ATP9B: variants seen among roughly 807,000 people sequenced by gnomAD.
The protein encoded by ATP9B is ATPase phospholipid transporting 9B.
ATP9B carries 110 observed loss-of-function variants against 146.1 expected under a neutral mutation model. The ratio of observed to expected loss-of-function variants is 0.75; its 90% CI spans 0.65 to 0.88. ATP9B has a LOEUF of 0.88. ATP9B is among the 40% of genes least tolerant of loss of function. ATP9B has a pLI of 0.00. For missense variants in ATP9B, 1,499 were observed against 1,496.4 expected (o/e 1.00, Z -0.03); for synonymous variants, 604 against 569.7 (o/e 1.06, Z -0.86).
At chr18:79,116,835 G>A (rs1486341245) in intron 4 of ATP9B, among the ~76,000 whole-genome samples, 546 of 105,722 alleles carry the variant, frequency 5.2e-3, no homozygotes, top group African/African-American at 0.02. Context: ...TGACACGTTA[G>A]TGGGTGCAGC....
At chr18:79,122,048 A>G (rs1262616041) in intron 4 of ATP9B, among the ~76,000 whole-genome samples, 3 of 152,248 alleles carry the variant, frequency 2.0e-5, no homozygotes, top group Non-Finnish European at 4.4e-5. Flanking sequence ...AGTTTAACAT[A>G]TGTGTCTGAG....
intron 11 of ATP9B, among the ~76,000 whole-genome samples, chr18:79,231,803 T>TACATACATACACACAC (rs1555777828): frequency 8.7e-6 from 1 of 114,760 alleles, no homozygotes; most frequent in African/African-American, 3.4e-5. Context: ...TATATATATA[T>TACATACATACACACAC]ACACACACAC....
At chr18:79,234,127 T>C (rs1251961858) in intron 11 of ATP9B, among the ~76,000 whole-genome samples, 1 of 152,020 alleles carries the variant, frequency 6.6e-6, no homozygotes, top group Non-Finnish European at 1.5e-5. Flanking sequence ...TGGAACAGGG[T>C]TACAGGAAGA....
chr18:79,203,162 G>A (rs1416994764), intron 9 of ATP9B, among the ~76,000 whole-genome samples: 1 of 152,056 alleles, frequency 6.6e-6, no homozygotes, highest in East Asian at 1.9e-4. Flanking sequence ...AAGGCTTAGA[G>A]TAACAGCAGG....
chr18:79,183,541 A>T (rs1335729210), intron 8 of ATP9B, among the ~76,000 whole-genome samples: 1 of 152,100 alleles, frequency 6.6e-6, no homozygotes, highest in African/African-American at 2.4e-5. Flanking sequence ...GTTTGTTAAT[A>T]ATTTTTTATT....
chr18:79,201,166 A>G (rs953252193), intron 9 of ATP9B, among the ~76,000 whole-genome samples: 2 of 152,228 alleles, frequency 1.3e-5, no homozygotes, highest in Admixed American at 6.5e-5. Flanking sequence ...ATAGCCTTTC[A>G]TTGCCTTTGA....
intron 4 of ATP9B, among the ~76,000 whole-genome samples, chr18:79,114,241 T>G (rs1184707563): frequency 6.6e-6 from 1 of 152,234 alleles, no homozygotes; most frequent in Non-Finnish European, 1.5e-5. Context: ...ATTACAGGCG[T>G]GAGCCACTGC....
chr18:79,298,184 C>T (rs1253890199), intron 13 of ATP9B, among the ~76,000 whole-genome samples: 2 of 146,546 alleles, frequency 1.4e-5, no homozygotes, highest in African/African-American at 2.5e-5. Flanking sequence ...AAAATTGTCC[C>T]TGTCTGCAGA....
At chr18:79,087,142 G>T (rs1568388483) in intron 1 of ATP9B, among the ~76,000 whole-genome samples, 1 of 152,228 alleles carries the variant, frequency 6.6e-6, no homozygotes, top group South Asian at 2.1e-4. Flanking sequence ...AAGAGAGGAT[G>T]AATGTGGTTT....
intron 26 of ATP9B, chr18:79,361,827 C>A: frequency 1.0e-6 from 1 of 985,220 alleles, no homozygotes; most frequent in South Asian, 4.7e-5. Flanking sequence ...GCAGTTTATC[C>A]ACACCGGTCA....
chr18:79,320,833 A>G (rs1301837789), intron 15 of ATP9B, among the ~76,000 whole-genome samples: 1 of 151,110 alleles, frequency 6.6e-6, no homozygotes, highest in African/African-American at 2.4e-5. Flanking sequence ...GGGAGCTTAC[A>G]TACTAGGAAA....
intron 16 of ATP9B, 92 bp from the exon 17 acceptor site, chr18:79,329,920 C>T (rs768427471): frequency 6.0e-5 from 71 of 1,187,652 alleles, no homozygotes; most frequent in Non-Finnish European, 8.5e-5. Flanking sequence ...ATAGGAATTG[C>T]TTTTTCCATT....
chr18:79,194,849 T>C (rs1169799375), intron 9 of ATP9B, among the ~76,000 whole-genome samples: 1 of 152,184 alleles, frequency 6.6e-6, no homozygotes. Flanking sequence ...AAGGAGATTG[T>C]CTTGGGATGC....
intron 7 of ATP9B, among the ~76,000 whole-genome samples, chr18:79,159,613 T>G (rs1463921182): frequency 1.3e-5 from 2 of 152,156 alleles, no homozygotes; most frequent in African/African-American, 2.4e-5. Flanking sequence ...CCCGCCACTT[T>G]CAGCTACAGC....
intron 11 of ATP9B, among the ~76,000 whole-genome samples, chr18:79,244,931 T>C (rs2095928496): frequency 6.6e-6 from 1 of 152,246 alleles, no homozygotes; most frequent in Non-Finnish European, 1.5e-5. Context: ...ACAATATCAG[T>C]ACCACTTAGA....
chr18:79,094,616 C>A (rs952870731), intron 1 of ATP9B, among the ~76,000 whole-genome samples: 1 of 152,178 alleles, frequency 6.6e-6, no homozygotes, highest in African/African-American at 2.4e-5. Flanking sequence ...AAGAAAAAAA[C>A]GTTCTGCTTT....
intron 11 of ATP9B, among the ~76,000 whole-genome samples, chr18:79,250,030 G>A (rs2096007456): frequency 6.6e-6 from 1 of 152,176 alleles, no homozygotes; most frequent in South Asian, 2.1e-4. Flanking sequence ...GTTGGGAGAA[G>A]ACAACATATA....
At chr18:79,117,856 T>C (rs1315612290) in intron 4 of ATP9B, 1 of 152,212 alleles carries the variant, frequency 6.6e-6, no homozygotes, top group East Asian at 1.9e-4. Context: ...GAGATTATAA[T>C]TCCTATGTAT....
At chr18:79,096,854 T>G (rs2074824975) in intron 2 of ATP9B, among the ~76,000 whole-genome samples, 1 of 151,968 alleles carries the variant, frequency 6.6e-6, no homozygotes, top group South Asian at 2.1e-4. Flanking sequence ...TTACGAGAAG[T>G]TTTAATGGTT....
Sources: allele counts gnomAD v4.1 joint callset (sites outside exome capture counted in the v4.1 genomes callset), GRCh38; gene constraint gnomAD v4.1.1; transcripts MANE v1.5; gene names NCBI Gene and HGNC (gene_info 2026-07-23, HGNC 2026-07-21).